The following SF3B2 variants were observed in gnomAD, a reference collection of about 807,000 sequenced individuals.
SF3B2 encodes the protein splicing factor 3b subunit 2, also known as SAP 145.
In SF3B2, 22 loss-of-function variants were observed where a neutral mutation model predicts 116.3. The ratio of observed to expected loss-of-function variants is 0.19; its 90% CI spans 0.14 to 0.27. The LOEUF (loss-of-function observed/expected upper bound fraction) is 0.27. Among genes scored for constraint, SF3B2 ranks in the 10% least tolerant of loss-of-function variants. SF3B2 has a pLI of 1.00. For synonymous variants in SF3B2, 406 were observed against 421.6 expected (o/e 0.96, Z 0.45); for missense variants, 767 against 1,151.4 (o/e 0.67, Z 4.83).
chr11:66,054,963 CTA>C, intron 3 of SF3B2, 111 bp from the exon 4 acceptor site: 1 of 1,007,788 alleles, frequency 9.9e-7, no homozygotes, highest in Non-Finnish European at 1.4e-6. Context: ...GGAGTGGTAA[CTA>C]TGTATCATTT....
intron 19 of SF3B2, chr11:66,067,432 G>C (rs1177773747): frequency 4.4e-6 from 2 of 456,286 alleles, no homozygotes; most frequent in Non-Finnish European, 8.8e-6. Flanking sequence ...GAGAGGTGGA[G>C]ATGATGGGCA....
At chr11:66,053,251 C>T in intron 3 of SF3B2, 147 bp downstream of exon 3, 1 of 783,886 alleles carries the variant, frequency 1.3e-6, no homozygotes, top group Non-Finnish European at 2.2e-6. Flanking sequence ...AAAAAAGATT[C>T]CATATGTTCA....
In SF3B2 at chr11:66,061,587, A is replaced by G. The variant is rs1407498941; in HGVS notation, c.1780-99A>G. 5 of 885,652 alleles carry G rather than the reference A, an allele frequency of 5.6e-6. No individual in the cohort carries two copies. The East Asian group carries it at 1.3e-4, about 22-fold the overall frequency. The allele number at this position is 885,652 out of a possible 1,614,324, so 54.9% of individuals were successfully genotyped here. On this transcript the variant is annotated intron_variant, in intron 14 of 21. Transcript: ENST00000322535. ...AGTGATGAGAATCAGAGTGGGAGCC[A>G]GGTAGCCCTCACTGGGATTTTATAT...
intron 1 of SF3B2, 28 bp from the exon 2 acceptor site, chr11:66,052,645 C>G (rs922726601): frequency 6.3e-7 from 1 of 1,597,400 alleles, no homozygotes; most frequent in Admixed American, 1.8e-5. Context: ...GCTGGCCTGC[C>G]CCATTGATCG....
At chr11:66,052,932 G>T (rs1856912454) in intron 2 of SF3B2, 95 bp from the exon 3 acceptor site, 11 of 1,339,946 alleles carry the variant, frequency 8.2e-6, no homozygotes, top group Non-Finnish European at 1.2e-5. Context: ...CTGGCAGACA[G>T]GCACTGGGTA....
Position 66,061,697 on chromosome 11 carries a change from C to T in SF3B2, c.1791C>T (p.Phe597=), listed in dbSNP as rs778816554. ...HGDLYYEGKE[F]ETRLKEKKPG... The stretch of plus-strand genomic sequence containing the variant: ...TGCTTTTCCCTCAGGGGAAGGAGTT[C>T]GAGACACGACTGAAGGAGAAGAAGC... Residue 597 remains phenylalanine, a synonymous_variant, in exon 15 of 22, where the codon TTC becomes TTT. Transcript: ENST00000322535. The T allele has an allele frequency of 4.3e-6, 7 of 1,613,882 alleles. No homozygotes were observed. The highest frequency in any genetic ancestry group is 5.1e-6 in the Non-Finnish European group (6 of 1,179,842).
chr11:66,059,980 C>G lies in SF3B2; in HGVS notation c.1600C>G (p.Gln534Glu). ...AGACTTCATCAAACGCACAGGCATC[C>G]AGGAGATGCGAGAGGCCCTGCAGGA... is the stretch of plus-strand genomic sequence containing the variant. ...LPDFIKRTGI[Q>E]EMREALQEKE... Residue 534 changes from glutamine to glutamate, a missense_variant, in exon 13 of 22, where the codon CAG becomes GAG. Around this residue, in one of 4 missense-constraint regions of SF3B2, gnomAD observed 282 missense variants for 568.0 expected, o/e 0.50. Transcript: ENST00000322535. This position sits in a 1 kb window ranked among gnomAD's most constrained non-coding sequence, Gnocchi z 5.0. 6.2e-7 allele frequency: 1 copy of G among 1,614,164 alleles called. No individual in the cohort carries two copies.
chr11:66,061,542 C>A (rs1481663428), intron 14 of SF3B2, 144 bp from the exon 15 acceptor site: 13 of 678,542 alleles, frequency 1.9e-5, no homozygotes, highest in Non-Finnish European at 3.2e-5. Flanking sequence ...ATTCCTTCCC[C>A]GACTTTGGCC....
chr11:66,066,427 A>G (rs1857185297), intron 19 of SF3B2: 1 of 152,180 alleles, frequency 6.6e-6, no homozygotes, highest in Admixed American at 6.5e-5. Flanking sequence ...TACAGGTGTG[A>G]GCCATCAGGC....
At position 66,061,731 on chromosome 11, in the gene SF3B2, C is replaced by G. The variant is rs201553683; in HGVS notation, c.1825C>G (p.Leu609Val). ...ACTGAAGGAGAAGAAGCCAGGAGATCTGTCTGATGAGCTAAGGATTTCCTT... is the reference window on the plus strand; with the variant it reads ...ACTGAAGGAGAAGAAGCCAGGAGATGTGTCTGATGAGCTAAGGATTTCCTT... ...TRLKEKKPGD[L>V]SDELRISLGM... Residue 609 changes from leucine to valine, a missense_variant, in exon 15 of 22, where the codon CTG (leucine) becomes GTG (valine). By Grantham distance (32) the Leu-to-Val change is conservative. Coordinates refer to ENST00000322535, the MANE Select transcript of SF3B2 (RefSeq NM_006842.3). 6.2e-7 allele frequency: 1 copy of G among 1,614,202 alleles called. No individual in the cohort carries two copies.
chr11:66,062,123 ATAATAT>A, intron 16 of SF3B2, 125 bp downstream of exon 16: 1 of 743,050 alleles, frequency 1.3e-6, no homozygotes, highest in Non-Finnish European at 2.2e-6. Context: ...TTTTATTGAC[ATAATAT>A]TTGTCATATA....
chr11:66,063,753 GA>G, intron 19 of SF3B2, 24 bp downstream of exon 19: 1 of 1,559,758 alleles, frequency 6.4e-7, no homozygotes. Flanking sequence ...ACAGGGCTGA[GA>G]GGGGAGGACC....
At chr11:66,062,508 T>A (rs1857116431) in intron 16 of SF3B2, among the ~76,000 whole-genome samples, 1 of 151,908 alleles carries the variant, frequency 6.6e-6, no homozygotes, top group Admixed American at 6.6e-5. Flanking sequence ...AGAAATAATT[T>A]TTTTTTAGCT....
rs757843246 is a variant in SF3B2, at chr11:66,052,402, C to G, written c.18C>G (p.Pro6=). 6.2e-7 allele frequency: 1 copy of G among 1,612,022 alleles called. No individual in the cohort carries two copies. Among genetic ancestry groups the G allele is most frequent in the Admixed American group, 1.7e-5 (1 of 59,986 alleles). The change falls in exon 1 of 22, where the codon CCC becomes CCG. Residue 6 remains proline, a synonymous_variant. Transcript: ENST00000322535. MATEH[P]EPPKAELQLP... ...CGGCTAAGATGGCGACGGAGCATCC[C>G]GAGCCTCCCAAAGCAGAATTGCAGC... is the stretch of plus-strand genomic sequence containing the variant.
chr11:66,054,477 C>CA (rs5792379), intron 3 of SF3B2, among the ~76,000 whole-genome samples: 57,155 of 139,756 alleles, frequency 0.41, 12,252 homozygotes, highest in South Asian at 0.65. Flanking sequence ...ACTCTTGTCT[C>CA]AAAAAAAAAA....
chr11:66,068,821 G>T lies in SF3B2; in HGVS notation c.*76G>T. On this transcript the variant is annotated 3_prime_UTR_variant, in exon 22 of 22. Transcript: ENST00000322535. ...TCACACAAGAACCACCTCTCCCGCAGTTCCCAAGGACTTGTCATTTCATGT... is the reference window on the plus strand; with the variant it reads ...TCACACAAGAACCACCTCTCCCGCATTTCCCAAGGACTTGTCATTTCATGT... 2 of 1,136,100 alleles carry T rather than the reference G, an allele frequency of 1.8e-6. No homozygotes were observed. Among genetic ancestry groups the T allele is most frequent in the South Asian group, 1.3e-5 (1 of 79,074 alleles). 70.4% of individuals were successfully genotyped at this position (1,136,100 alleles called of 1,614,324 possible).
At chr11:66,060,763 G>A (rs1247776777) in intron 14 of SF3B2, 32 bp downstream of exon 14, 2 of 1,610,136 alleles carry the variant, frequency 1.2e-6, no homozygotes, top group Admixed American at 3.4e-5. Flanking sequence ...GGTCAGGCTG[G>A]GCCTTGGGGT....
At position 66,067,464 on chromosome 11, in the gene SF3B2, G is replaced by T. The variant is rs141482841; in HGVS notation, c.2331-482G>T. 6 of 456,336 alleles carry T rather than the reference G, an allele frequency of 1.3e-5. No homozygotes were observed. In the East Asian group the frequency reaches 2.1e-4, roughly 16 times the overall value. The allele number at this position is 456,336 out of a possible 1,614,324, so 28.3% of individuals were successfully genotyped here. On this transcript the variant is annotated intron_variant, in intron 19 of 21. Coordinates refer to ENST00000322535, the MANE Select transcript of SF3B2 (RefSeq NM_006842.3). The stretch of plus-strand genomic sequence containing the variant: ...GGCATAGTCTGGGGTGATAGTGGTA[G>T]ATTTGCTCTTGTTCCTAGTGTAATC...
At chr11:66,056,712 G>A (rs1857001713) in intron 5 of SF3B2, 126 bp from the exon 6 acceptor site, 1 of 682,696 alleles carries the variant, frequency 1.5e-6, no homozygotes, top group East Asian at 2.7e-5. Flanking sequence ...TGGAGGGGAT[G>A]TCAGCACCCA....
Sources: gnomAD v4.1 joint callset for allele counts (sites outside exome capture counted in the v4.1 genomes callset) on GRCh38, gnomAD v4.1.1 for gene constraint, gnomAD v4.1.1 regional missense constraint, Gnocchi (gnomAD v3.1) non-coding constraint, MANE v1.5 for transcripts, NCBI Gene and HGNC (gene_info 2026-07-23, HGNC 2026-07-21) for gene names.